The following ITCH variants were observed in gnomAD, a reference collection of about 807,000 sequenced individuals.
The protein encoded by ITCH is itchy E3 ubiquitin protein ligase.
ITCH carries 28 observed loss-of-function variants against 126.8 expected under a neutral mutation model. That is an observed-to-expected ratio of 0.22 (90% CI 0.16 to 0.30). The LOEUF (loss-of-function observed/expected upper bound fraction) is 0.30. ITCH is among the 10% of genes least tolerant of loss of function. The probability of loss-of-function intolerance (pLI) is 1.00; values close to 1 mark genes in which losing one functional copy is unlikely to be tolerated. For missense variants in ITCH, 631 were observed against 1,032.4 expected (o/e 0.61, Z 5.33); for synonymous variants, 342 against 340.0 (o/e 1.01, Z -0.06).
chr20:34,501,846 CTT>C (rs1270193894), intron 23 of ITCH, among the ~76,000 whole-genome samples: 2 of 149,126 alleles, frequency 1.3e-5, no homozygotes, highest in African/African-American at 2.5e-5. Context: ...AAATAATAGA[CTT>C]AAGTATATGT....
intron 20 of ITCH, among the ~76,000 whole-genome samples, chr20:34,486,239 C>T (rs1393070283): frequency 6.6e-6 from 1 of 151,740 alleles, no homozygotes; most frequent in African/African-American, 2.4e-5. Context: ...GGCTGGTCTC[C>T]AAACTCCTGG....
chr20:34,439,721 G>A (rs749508178), intron 8 of ITCH, among the ~76,000 whole-genome samples: 34 of 152,286 alleles, frequency 2.2e-4, no homozygotes, highest in Non-Finnish European at 2.9e-4. Context: ...CTATCTGTAA[G>A]AATGTTATTT....
intron 2 of ITCH, among the ~76,000 whole-genome samples, chr20:34,371,429 G>A (rs1360594961): frequency 2.6e-5 from 4 of 151,290 alleles, no homozygotes; most frequent in East Asian, 2.0e-4. Flanking sequence ...GAGGCCAGGC[G>A]TGCACCCACC....
intron 20 of ITCH, among the ~76,000 whole-genome samples, chr20:34,487,775 C>T (rs768533645): frequency 6.6e-6 from 1 of 152,032 alleles, no homozygotes; most frequent in African/African-American, 2.4e-5. Context: ...CCCGTCTCTA[C>T]TAAAAATACA....
At chr20:34,452,159 A>G (rs1456821132) in intron 12 of ITCH, among the ~76,000 whole-genome samples, 1 of 151,716 alleles carries the variant, frequency 6.6e-6, no homozygotes, top group Non-Finnish European at 1.5e-5. Context: ...CTCCTTCTCT[A>G]GGGCAGGTGT....
chr20:34,496,646 T>A (rs1045993897), intron 23 of ITCH, among the ~76,000 whole-genome samples: 1 of 151,546 alleles, frequency 6.6e-6, no homozygotes, highest in Non-Finnish European at 1.5e-5. Context: ...CTACTAAAAA[T>A]ACAAAAATTA....
chr20:34,377,588 G>A (rs952064141), intron 2 of ITCH, among the ~76,000 whole-genome samples: 2 of 152,006 alleles, frequency 1.3e-5, no homozygotes, highest in African/African-American at 2.4e-5. Flanking sequence ...ATATGGCTGG[G>A]CGCGGTGGCT....
chr20:34,478,572 G>A (rs1988443451), intron 17 of ITCH, among the ~76,000 whole-genome samples: 1 of 152,152 alleles, frequency 6.6e-6, no homozygotes, highest in South Asian at 2.1e-4. Flanking sequence ...TCTCAATAGT[G>A]TGATGTTGGG....
intron 14 of ITCH, among the ~76,000 whole-genome samples, chr20:34,465,263 C>T (rs1323354807): frequency 6.6e-6 from 1 of 151,718 alleles, no homozygotes; most frequent in African/African-American, 2.4e-5. Flanking sequence ...GTCTGATTTG[C>T]CAATACCACG....
rs975027809 is a variant in ITCH, at chr20:34,413,201, T to A, written c.338-541T>A. Among the ~76,000 whole-genome samples, 3 of 152,196 alleles carry A rather than the reference T, an allele frequency of 2.0e-5. No homozygotes were observed. In the South Asian group the frequency reaches 6.2e-4, roughly 32 times the overall value. On this transcript the variant is annotated intron_variant, in intron 5 of 24. Transcript: ENST00000374864. ...ACATCCAGCTTTAAATGCTTATTTTTAAAAATGTCCTCATTTTATGAGGTT... is the reference window on the plus strand; with the variant it reads ...ACATCCAGCTTTAAATGCTTATTTTAAAAAATGTCCTCATTTTATGAGGTT...
intron 3 of ITCH, among the ~76,000 whole-genome samples, chr20:34,400,876 G>C (rs1181220006): frequency 6.6e-6 from 1 of 151,992 alleles, no homozygotes; most frequent in Non-Finnish European, 1.5e-5. Context: ...TCATGCCTCA[G>C]CCTCCCCAGT....
intron 7 of ITCH, among the ~76,000 whole-genome samples, chr20:34,427,992 T>C (rs1304989383): frequency 6.6e-6 from 1 of 152,228 alleles, no homozygotes; most frequent in African/African-American, 2.4e-5. Flanking sequence ...TAATCAATGC[T>C]TTTTATCTTC....
chr20:34,484,745 T>C (rs1183649954), intron 20 of ITCH, among the ~76,000 whole-genome samples: 1 of 152,204 alleles, frequency 6.6e-6, no homozygotes, highest in Non-Finnish European at 1.5e-5. Flanking sequence ...TGATCTTAAG[T>C]GTAGAAGTTG....
intron 17 of ITCH, 30 bp downstream of exon 17, chr20:34,477,890 G>C: frequency 6.2e-7 from 1 of 1,612,662 alleles, no homozygotes; most frequent in Non-Finnish European, 8.5e-7. Flanking sequence ...TCAGAACTTA[G>C]TTCCTTTCCT....
intron 23 of ITCH, among the ~76,000 whole-genome samples, chr20:34,493,671 C>T (rs77383724): frequency 0.028 from 4,292 of 152,170 alleles, 88 homozygotes; most frequent in Non-Finnish European, 0.044. Context: ...GAGTATGCAT[C>T]GTTGTAGATG....
At chr20:34,447,225 G>A (rs537650971) in intron 11 of ITCH, among the ~76,000 whole-genome samples, 4 of 146,758 alleles carry the variant, frequency 2.7e-5, no homozygotes, top group Admixed American at 1.4e-4. Flanking sequence ...CTGTCCCCCC[G>A]CCCAATCCAA....
chr20:34,419,741 G>A (rs575955573), intron 6 of ITCH, among the ~76,000 whole-genome samples: 19 of 152,118 alleles, frequency 1.2e-4, no homozygotes, highest in African/African-American at 4.1e-4. Flanking sequence ...TGCAAGCTCC[G>A]CCTTGCCGGT....
chr20:34,423,539 T>C (rs1323650286), intron 6 of ITCH, among the ~76,000 whole-genome samples: 1 of 152,208 alleles, frequency 6.6e-6, no homozygotes, highest in Non-Finnish European at 1.5e-5. Context: ...TTTTTCTTTC[T>C]CTTTCCCTGT....
At chr20:34,421,718 A>G (rs1183285346) in intron 6 of ITCH, among the ~76,000 whole-genome samples, 2 of 152,178 alleles carry the variant, frequency 1.3e-5, no homozygotes, top group Non-Finnish European at 2.9e-5. Flanking sequence ...GAAATAAAAG[A>G]GTGAATATTC....
Sources: gnomAD v4.1 joint callset for allele counts (sites outside exome capture counted in the v4.1 genomes callset) on GRCh38, gnomAD v4.1.1 for gene constraint, MANE v1.5 for transcripts, NCBI Gene and HGNC (gene_info 2026-07-23, HGNC 2026-07-21) for gene names.